Variants in ACOT12 observed in about 807,000 individuals in gnomAD.
The protein encoded by ACOT12 is acyl-CoA thioesterase 12, also known as acetyl-coenzyme A thioesterase.
In ACOT12, 51 loss-of-function variants were observed where a neutral mutation model predicts 67.7. The observed-to-expected ratio is 0.75, with a 90% CI of 0.60 to 0.95. The LOEUF (loss-of-function observed/expected upper bound fraction) is 0.95. Among genes scored for constraint, ACOT12 ranks in the 40% least tolerant of loss-of-function variants. The pLI is 0.00. For missense variants in ACOT12, 734 were observed against 708.1 expected (o/e 1.04, Z -0.41); for synonymous variants, 251 against 244.6 (o/e 1.03, Z -0.24).
chr5:81,309,730 G>T, the ACOT12 span, among the ~76,000 whole-genome samples: 2 of 152,202 alleles, frequency 1.3e-5, no homozygotes, highest in African/African-American at 4.8e-5. Flanking sequence ...TAGCTGGGGG[G>T]CTTTGGCCAA....
chr5:81,316,435 G>GT, the ACOT12 span, among the ~76,000 whole-genome samples: 1 of 152,114 alleles, frequency 6.6e-6, no homozygotes, highest in Non-Finnish European at 1.5e-5. Context: ...GCTTCCTTCA[G>GT]TTAACATGAT....
chr5:81,341,690 T>C (rs1053313688), intron 11 of ACOT12, among the ~76,000 whole-genome samples: 1 of 152,116 alleles, frequency 6.6e-6, no homozygotes, highest in African/African-American at 2.4e-5. Context: ...GAGCTTACAG[T>C]CTAGTTATTG....
the ACOT12 span, among the ~76,000 whole-genome samples, chr5:81,317,239 C>G: frequency 2.6e-5 from 4 of 152,116 alleles, no homozygotes; most frequent in Non-Finnish European, 5.9e-5. Context: ...CAGTGGCTCA[C>G]GCCTGTAATC....
chr5:81,353,692 T>C (rs1759622156), intron 5 of ACOT12, among the ~76,000 whole-genome samples: 1 of 152,224 alleles, frequency 6.6e-6, no homozygotes, highest in South Asian at 2.1e-4. Flanking sequence ...TTATACACAT[T>C]CCAGAAATAT....
intron 2 of ACOT12, 117 bp downstream of exon 2, chr5:81,385,640 A>G: frequency 1.1e-6 from 1 of 927,100 alleles, no homozygotes; most frequent in South Asian, 1.6e-5. Context: ...CATGTTATTT[A>G]TTTTATTAAG....
At chr5:81,379,615 G>A (rs941097403) in intron 2 of ACOT12, among the ~76,000 whole-genome samples, 1 of 152,138 alleles carries the variant, frequency 6.6e-6, no homozygotes, top group African/African-American at 2.4e-5. Context: ...CTTAGAAGGT[G>A]ACATAGTGAC....
rs112016969 is a variant in ACOT12 at position 81,380,587 on chromosome 5, A to G, written c.197+5170T>C. Among the ~76,000 whole-genome samples, 721 of 150,208 alleles carry G rather than the reference A, an allele frequency of 4.8e-3. 9 individuals are homozygous for G. The highest frequency in any genetic ancestry group is 0.017 in the African/African-American group (683 of 41,154). Reference sequence around the variant, plus strand: ...AGAAAAAAAAAAAAAAAAAGAAAAGAAATCTATCCCACAAATATACTGGAA... The same window carrying G: ...AGAAAAAAAAAAAAAAAAAGAAAAGGAATCTATCCCACAAATATACTGGAA... On this transcript the variant is annotated intron_variant, in intron 2 of 14. Coordinates refer to ENST00000307624, the MANE Select transcript of ACOT12 (RefSeq NM_130767.3).
At chr5:81,378,762 G>A (rs987370438) in intron 2 of ACOT12, among the ~76,000 whole-genome samples, 1 of 152,178 alleles carries the variant, frequency 6.6e-6, no homozygotes, top group Admixed American at 6.5e-5. Context: ...TTAGAGAAAT[G>A]CAAATCAAAA....
downstream of ACOT12, among the ~76,000 whole-genome samples, chr5:81,325,770 T>C (rs2153838826): frequency 6.6e-6 from 1 of 152,250 alleles, no homozygotes; most frequent in South Asian, 2.1e-4. Context: ...TGGAGATGGT[T>C]TACTGTCAAT....
chr5:81,312,600 A>T, the ACOT12 span: 1 of 1,613,994 alleles, frequency 6.2e-7, no homozygotes, highest in Admixed American at 1.7e-5. Flanking sequence ...CTATGAAGAA[A>T]TTTTGGATGT....
At chr5:81,364,755 T>G (rs1005906175) in intron 3 of ACOT12, among the ~76,000 whole-genome samples, 1 of 152,206 alleles carries the variant, frequency 6.6e-6, no homozygotes, top group African/African-American at 2.4e-5. Context: ...TTTGGCATTA[T>G]ATGAAAGCTC....
intron 2 of ACOT12, among the ~76,000 whole-genome samples, chr5:81,385,123 A>G (rs1389641852): frequency 1.3e-5 from 2 of 152,142 alleles, no homozygotes; most frequent in Non-Finnish European, 1.5e-5. Context: ...ATCATTAATT[A>G]TTCTTCTAGT....
At chr5:81,356,170 T>C (rs181966443) in intron 5 of ACOT12, among the ~76,000 whole-genome samples, 165 of 152,308 alleles carry the variant, frequency 1.1e-3, no homozygotes, top group African/African-American at 3.8e-3. Flanking sequence ...ATTATTCCTC[T>C]AAGTAATTAA....
chr5:81,324,720 G>T, the ACOT12 span, among the ~76,000 whole-genome samples: 1 of 152,206 alleles, frequency 6.6e-6, no homozygotes, highest in East Asian at 1.9e-4. Flanking sequence ...CTAAGAGTGT[G>T]ACATCATGGA....
At chr5:81,367,177 T>C (rs1760105961) in intron 3 of ACOT12, among the ~76,000 whole-genome samples, 1 of 151,968 alleles carries the variant, frequency 6.6e-6, no homozygotes, top group Non-Finnish European at 1.5e-5. Flanking sequence ...GAAAAAGAAA[T>C]GCTAAAGGAA....
chr5:81,385,303 T>C (rs925670993), intron 2 of ACOT12, among the ~76,000 whole-genome samples: 1 of 151,440 alleles, frequency 6.6e-6, no homozygotes, highest in Non-Finnish European at 1.5e-5. Context: ...AATAAATAAA[T>C]ACAAAAAAAA....
chr5:81,323,054 A>G, the ACOT12 span, among the ~76,000 whole-genome samples: 1 of 144,990 alleles, frequency 6.9e-6, no homozygotes, highest in Non-Finnish European at 1.5e-5. Flanking sequence ...AATTATACTG[A>G]GGAAGGAGCA....
chr5:81,341,044 C>T (rs1759177906), intron 11 of ACOT12, among the ~76,000 whole-genome samples: 1 of 152,230 alleles, frequency 6.6e-6, no homozygotes, highest in Non-Finnish European at 1.5e-5. Context: ...TCTACGACTT[C>T]ACTAAATATG....
chr5:81,309,326 A>G, the ACOT12 span, among the ~76,000 whole-genome samples: 190 of 152,356 alleles, frequency 1.2e-3, 1 homozygote, highest in African/African-American at 4.5e-3. Flanking sequence ...TAACAGAAGC[A>G]GAGAGATTAT....
Sources: gnomAD v4.1 joint callset for allele counts (sites outside exome capture counted in the v4.1 genomes callset) on GRCh38, gnomAD v4.1.1 for gene constraint, MANE v1.5 for transcripts, NCBI Gene and HGNC (gene_info 2026-07-23, HGNC 2026-07-21) for gene names.